PISD: variants seen among roughly 807,000 people sequenced by gnomAD.
PISD encodes the protein phosphatidylserine decarboxylase proenzyme, mitochondrial.
A neutral mutation model predicts 43.5 loss-of-function variants in PISD; 31 were observed. That is an observed-to-expected ratio of 0.71 (90% CI 0.54 to 0.96). The LOEUF is 0.96. Ranked by LOEUF, PISD falls within the 40% of genes least tolerant of loss-of-function variation. The pLI, the probability that PISD is intolerant of heterozygous loss-of-function variation, is 0.00. For synonymous variants in PISD, 259 were observed against 228.7 expected, an observed-to-expected ratio of 1.13 and a Z score of -1.20; for missense variants, 523 against 548.4, an observed-to-expected ratio of 0.95 and a Z score of 0.46.
chr22:31,649,221 C>T (rs2147788180), intron 2 of PISD, among the ~76,000 whole-genome samples: 1 of 151,708 alleles, frequency 6.6e-6, no homozygotes, highest in Non-Finnish European at 1.5e-5. Flanking sequence ...CTCTCTCAAT[C>T]AATCAATCAA....
intron 6 of PISD, 56 bp downstream of exon 6, chr22:31,620,940 G>A (rs1159829282): frequency 6.5e-7 from 1 of 1,543,308 alleles, no homozygotes. Flanking sequence ...AAGAAGCTGA[G>A]AGCCTCTATA....
intron 3 of PISD, among the ~76,000 whole-genome samples, chr22:31,623,118 G>C (rs9621298): frequency 0.015 from 2,240 of 152,300 alleles, 55 homozygotes; most frequent in African/African-American, 0.05. Flanking sequence ...CCCAGGAACA[G>C]GGTTTCCTCC....
chr22:31,621,161 C>G lies in PISD; in HGVS notation c.698-19G>C, dbSNP rs369803974. 1 of 1,614,068 alleles carries G rather than the reference C, an allele frequency of 6.2e-7. No individual in the cohort carries two copies. Among genetic ancestry groups the G allele is most frequent in the African/African-American group, 1.3e-5 (1 of 75,068 alleles). On this transcript the variant is annotated intron_variant, in intron 5 of 7. Coordinates refer to ENST00000439502, the MANE Select transcript of PISD (RefSeq NM_001326411.2). The stretch of plus-strand genomic sequence containing the variant: ...GACGCGGCTGTGGAGTAGGAGCAGA[C>G]GTGGGGGCCACCAACACAGTGAGCA...
At chr22:31,659,400 C>T (rs1353320246) in intron 1 of PISD, among the ~76,000 whole-genome samples, 2 of 152,062 alleles carry the variant, frequency 1.3e-5, no homozygotes, top group Admixed American at 6.6e-5. Context: ...CTCTATGGTC[C>T]GTTGACAGTG....
At chr22:31,662,112 C>G in intron 1 of PISD, 32 bp downstream of exon 1, 1 of 1,589,978 alleles carries the variant, frequency 6.3e-7, no homozygotes, top group Non-Finnish European at 8.6e-7. Flanking sequence ...GGTTGCCCCA[C>G]GCCCCAAGGT....
Position 31,640,880 on chromosome 22 carries a change from G to GTTTTTTTTT in PISD, c.321+7212_321+7220dup, listed in dbSNP as rs1214973570. 6.3e-3 allele frequency among the ~76,000 whole-genome samples: 154 copies of GTTTTTTTTT among 24,598 alleles called. 33 individuals carry two copies. Among genetic ancestry groups the GTTTTTTTTT allele is most frequent in the African/African-American group, 7.9e-3 (44 of 5,542 alleles). 16.1% of individuals were successfully genotyped at this position (24,598 alleles called of 152,430 possible). On this transcript the variant is annotated intron_variant, in intron 3 of 7. Coordinates refer to ENST00000439502, the MANE Select transcript of PISD (RefSeq NM_001326411.2). ...ACAGGCATGAGCCACCACACCCGGT[G>GTTTTTTTTT]TTTTTTTTTTTTTTTTTTTTTTTTG... is the stretch of plus-strand genomic sequence containing the variant.
intron 2 of PISD, among the ~76,000 whole-genome samples, chr22:31,649,530 G>A (rs927782261): frequency 2.0e-5 from 3 of 151,932 alleles, no homozygotes; most frequent in East Asian, 1.9e-4. Context: ...TCAGGAGATC[G>A]GGACCATCCT....
At chr22:31,653,584 G>A (rs774143483) in intron 1 of PISD, among the ~76,000 whole-genome samples, 5 of 152,134 alleles carry the variant, frequency 3.3e-5, no homozygotes, top group Admixed American at 6.6e-5. Flanking sequence ...TTTGTCCACC[G>A]CTGTAGTCCC....
At chr22:31,641,519 G>A (rs1355584488) in intron 3 of PISD, among the ~76,000 whole-genome samples, 1 of 152,128 alleles carries the variant, frequency 6.6e-6, no homozygotes, top group Non-Finnish European at 1.5e-5. Context: ...GGAGACATTT[G>A]AAACTTAGGA....
upstream of PISD, chr22:31,662,226 A>T (rs751787309): frequency 6.2e-7 from 1 of 1,601,266 alleles, no homozygotes; most frequent in Non-Finnish European, 8.5e-7. Flanking sequence ...GCTCCTTCTC[A>T]GCGTGCCACG....
Sources: gnomAD v4.1 joint callset for allele counts (sites outside exome capture counted in the v4.1 genomes callset) on GRCh38, gnomAD v4.1.1 for gene constraint, MANE v1.5 for transcripts, NCBI Gene and HGNC (gene_info 2026-07-23, HGNC 2026-07-21) for gene names.